Variants in ZFYVE1 observed in about 807,000 individuals in gnomAD.
The protein encoded by ZFYVE1 is zinc finger FYVE domain-containing protein 1.
ZFYVE1 carries 30 observed loss-of-function variants against 74.4 expected under a neutral mutation model. The ratio of observed to expected loss-of-function variants is 0.40; its 90% CI spans 0.30 to 0.55. ZFYVE1 has a LOEUF of 0.55. Ranked by LOEUF, ZFYVE1 falls within the 20% of genes least tolerant of loss-of-function variation. The probability of loss-of-function intolerance (pLI) is 0.42; values close to 1 mark genes in which losing one functional copy is unlikely to be tolerated. For missense variants in ZFYVE1, 703 were observed against 1,011.6 expected (o/e 0.69, Z 4.14); for synonymous variants, 335 against 385.1 (o/e 0.87, Z 1.52).
At chr14:73,010,110 A>G (rs114354310) in intron 2 of ZFYVE1, among the ~76,000 whole-genome samples, 1 of 152,160 alleles carries the variant, frequency 6.6e-6, no homozygotes, top group Non-Finnish European at 1.5e-5. Flanking sequence ...ATAATTGAAC[A>G]AGCAGGATCC....
At chr14:73,016,467 G>C (rs542821164) in intron 2 of ZFYVE1, among the ~76,000 whole-genome samples, 4 of 151,778 alleles carry the variant, frequency 2.6e-5, no homozygotes, top group Non-Finnish European at 5.9e-5. Context: ...GCTTGAGATC[G>C]TGCCACTGCA....
At chr14:72,977,827 C>G (rs77288334) in intron 8 of ZFYVE1, 100 bp downstream of exon 8, 6 of 1,267,630 alleles carry the variant, frequency 4.7e-6, no homozygotes, top group African/African-American at 1.5e-5. Flanking sequence ...TTCTGAAATT[C>G]ATGGTTAACC....
intron 11 of ZFYVE1, among the ~76,000 whole-genome samples, chr14:72,971,579 C>T (rs981449301): frequency 5.9e-5 from 9 of 152,104 alleles, no homozygotes; most frequent in African/African-American, 1.4e-4. Flanking sequence ...CTGCCCACCT[C>T]GGCTTCCCAA....
chr14:72,974,849 A>G lies in ZFYVE1; in HGVS notation c.1917T>C (p.Pro639=), dbSNP rs995883180. 1 of 1,614,030 alleles carries G rather than the reference A, an allele frequency of 6.2e-7. No individual in the cohort carries two copies. Among genetic ancestry groups the G allele is most frequent in the Non-Finnish European group, 8.5e-7 (1 of 1,179,940 alleles). The stretch of plus-strand genomic sequence containing the variant: ...CTGGCGCAGGGCCCCAGCCCCGCTC[A>G]GGCACTGGCCGAGTCTTTGATGAAC... ...DSCSSKTRPV[P]ERGWGPAPVR... The change falls in exon 10 of 12, where the codon CCT becomes CCC. Residue 639 remains proline, a synonymous_variant. Transcript: ENST00000556143.
chr14:72,994,840 GAT>G (rs763758773), intron 3 of ZFYVE1, among the ~76,000 whole-genome samples: 3 of 152,098 alleles, frequency 2.0e-5, no homozygotes, highest in Non-Finnish European at 4.4e-5. Context: ...CGATCCTGTG[GAT>G]ATACTTAACT....
At position 73,020,025 on chromosome 14, in the gene ZFYVE1, G is replaced by C. The variant is rs549213232; in HGVS notation, c.483+4001C>G. On this transcript the variant is annotated intron_variant, in intron 2 of 11. Coordinates refer to ENST00000556143, the MANE Select transcript of ZFYVE1 (RefSeq NM_021260.4). ...TAATCCTAGCACTTTGGGAGGCCAA[G>C]GCGGGCAGGTCACGAGGTCAAGAGA... 1.9e-4 allele frequency among the ~76,000 whole-genome samples: 29 copies of C among 152,204 alleles called. No homozygotes were observed. In the South Asian group the frequency reaches 2.9e-3, roughly 15 times the overall value.
intron 2 of ZFYVE1, among the ~76,000 whole-genome samples, chr14:73,018,430 CA>C (rs397853346): frequency 0.21 from 11,996 of 55,964 alleles, 392 homozygotes; most frequent in African/African-American, 0.36. Flanking sequence ...GACTCCATCT[CA>C]AAAAAAAAAA....
chr14:73,001,342 G>A (rs1390617853), intron 2 of ZFYVE1, among the ~76,000 whole-genome samples: 1 of 152,050 alleles, frequency 6.6e-6, no homozygotes, highest in African/African-American at 2.4e-5. Context: ...AAACTATTAC[G>A]ATAGCAGATT....
chr14:72,972,547 T>C (rs557593574), intron 11 of ZFYVE1, among the ~76,000 whole-genome samples: 2 of 152,200 alleles, frequency 1.3e-5, no homozygotes, highest in Non-Finnish European at 2.9e-5. Context: ...TTTTCATCAC[T>C]ACTCACTTTT....
chr14:73,023,184 A>T lies in ZFYVE1; in HGVS notation c.483+842T>A, dbSNP rs1186011778. Among the ~76,000 whole-genome samples, 32 of 137,460 alleles carry T rather than the reference A, an allele frequency of 2.3e-4. 4 individuals carry two copies. Among genetic ancestry groups the T allele is most frequent in the Admixed American group, 4.0e-4 (5 of 12,410 alleles). The allele number at this position is 137,460 out of a possible 152,430, so 90.2% of individuals were successfully genotyped here. A position where few individuals can be genotyped will look rare whatever the true frequency, so the allele number is the denominator to read the frequency against. On this transcript the variant is annotated intron_variant, in intron 2 of 11. Transcript: ENST00000556143. ...TCAAAAAATATATATATATATATAT[A>T]TATATATATTTTATATATGTTTTAT... is the stretch of plus-strand genomic sequence containing the variant.
chr14:72,976,715 G>A (rs1352593873), intron 8 of ZFYVE1, among the ~76,000 whole-genome samples: 7 of 150,218 alleles, frequency 4.7e-5, no homozygotes, highest in African/African-American at 1.7e-4. Flanking sequence ...CCCAGGAGGT[G>A]GAGGTTGCAG....
intron 4 of ZFYVE1, among the ~76,000 whole-genome samples, chr14:72,991,595 A>T (rs1231973734): frequency 1.6e-5 from 2 of 128,288 alleles, no homozygotes; most frequent in East Asian, 4.6e-4. Context: ...CAGTGATCAG[A>T]TTTACAGCCC....
intron 4 of ZFYVE1, among the ~76,000 whole-genome samples, chr14:72,990,467 G>C (rs1395317058): frequency 6.6e-6 from 1 of 151,674 alleles, no homozygotes; most frequent in Non-Finnish European, 1.5e-5. Flanking sequence ...CAAGATCTCA[G>C]CTCACTGCAA....
intron 2 of ZFYVE1, among the ~76,000 whole-genome samples, chr14:73,001,823 C>T (rs1226905853): frequency 1.3e-5 from 2 of 151,548 alleles, no homozygotes; most frequent in Non-Finnish European, 2.9e-5. Flanking sequence ...TGGCACATGC[C>T]GGTAATCCCA....
chr14:72,979,415 G>A (rs1391104848), intron 5 of ZFYVE1, among the ~76,000 whole-genome samples: 4 of 151,764 alleles, frequency 2.6e-5, no homozygotes, highest in Middle Eastern at 3.2e-3. Flanking sequence ...CAGGAGAATC[G>A]CTTGAACCCA....
chr14:73,007,194 C>G (rs60054931), intron 2 of ZFYVE1, among the ~76,000 whole-genome samples: 1 of 151,914 alleles, frequency 6.6e-6, no homozygotes. Context: ...AAAAGGGAAA[C>G]CAAGAGGTGA....
rs114184055 is a variant in ZFYVE1, at chr14:73,008,121, C to G, written c.484-9806G>C. On this transcript the variant is annotated intron_variant, in intron 2 of 11. Coordinates refer to ENST00000556143, the MANE Select transcript of ZFYVE1 (RefSeq NM_021260.4). Reference sequence around the variant, plus strand: ...TATGCTTCACAGAGACTGCCTGCAGCTCCTCTCCTATCCTAGCAGAAATAA... The same window carrying G: ...TATGCTTCACAGAGACTGCCTGCAGGTCCTCTCCTATCCTAGCAGAAATAA... 4.6e-5 allele frequency among the ~76,000 whole-genome samples: 7 copies of G among 152,298 alleles called. No individual in the cohort carries two copies. The East Asian group carries it at 1.3e-3, about 29-fold the overall frequency.
At chr14:73,011,921 A>G (rs1894099939) in intron 2 of ZFYVE1, among the ~76,000 whole-genome samples, 1 of 151,790 alleles carries the variant, frequency 6.6e-6, no homozygotes, top group Non-Finnish European at 1.5e-5. Context: ...AATCTTCTTC[A>G]AAAGAATGAT....
At chr14:72,974,986 G>A in intron 9 of ZFYVE1, 27 bp from the exon 10 acceptor site, 1 of 1,588,674 alleles carries the variant, frequency 6.3e-7, no homozygotes, top group Non-Finnish European at 8.6e-7. Flanking sequence ...ACAAAACAGA[G>A]AGGCAGGTAG....
Sources: gnomAD v4.1 joint callset for allele counts (sites outside exome capture counted in the v4.1 genomes callset) on GRCh38, gnomAD v4.1.1 for gene constraint, MANE v1.5 for transcripts, NCBI Gene and HGNC (gene_info 2026-07-23, HGNC 2026-07-21) for gene names.